DCAF8L2: variants seen among roughly 807,000 people sequenced by gnomAD.
DCAF8L2 encodes the protein DDB1- and CUL4-associated factor 8-like protein 2.
For synonymous variants in DCAF8L2, 200 were observed against 190.9 expected (o/e 1.05, Z -0.39); for missense variants, 430 against 490.7 (o/e 0.88, Z 1.17).
chrX:27,688,259 G>T (rs892920024), intron 3 of DCAF8L2, among the ~76,000 whole-genome samples: 8 of 111,408 alleles, frequency 7.2e-5, no homozygotes, highest in Admixed American at 1.9e-4. Context: ...TATTAGAATT[G>T]CAAAGGAACA....
the DCAF8L2 span, among the ~76,000 whole-genome samples, chrX:27,499,184 C>G: frequency 8.9e-6 from 1 of 112,108 alleles, no homozygotes; most frequent in African/African-American, 3.2e-5. Flanking sequence ...TTTACATTCC[C>G]ATAAACAGTG....
the DCAF8L2 span, among the ~76,000 whole-genome samples, chrX:27,537,702 A>G: frequency 1.9e-4 from 21 of 111,904 alleles, no homozygotes; most frequent in African/African-American, 6.8e-4. Flanking sequence ...ATGTATTTCC[A>G]CACATGCATC....
the DCAF8L2 span, among the ~76,000 whole-genome samples, chrX:27,546,731 G>A: frequency 8.9e-6 from 1 of 112,313 alleles, no homozygotes; most frequent in East Asian, 2.8e-4. Flanking sequence ...CTGTACCTTG[G>A]TCCCTTTTAG....
intron 1 of DCAF8L2, among the ~76,000 whole-genome samples, chrX:27,617,997 T>C (rs1408076201): frequency 1.8e-5 from 2 of 112,136 alleles, no homozygotes; most frequent in Non-Finnish European, 3.8e-5. Flanking sequence ...TCATATCATA[T>C]GGCTTTGAAA....
intron 4 of DCAF8L2, among the ~76,000 whole-genome samples, chrX:27,723,558 T>C (rs1931974016): frequency 9.0e-6 from 1 of 111,612 alleles, no homozygotes; most frequent in African/African-American, 3.2e-5. Context: ...TATTCCAAAT[T>C]TTTAACAAAG....
At position 27,749,582 on chromosome X, in the gene DCAF8L2, C is replaced by G. The variant is rs1922462328; in HGVS notation, c.*791C>G. Among the ~76,000 whole-genome samples, 1 of 111,986 alleles carries G rather than the reference C, an allele frequency of 8.9e-6. No homozygotes were observed. Among genetic ancestry groups the G allele is most frequent in the African/African-American group, 3.2e-5 (1 of 30,840 alleles). ...ATTTGATCACATGACATTGTTTACTCTGTGCATTAAGTTTTCTTGAAGTTT... is the reference window on the plus strand; with the variant it reads ...ATTTGATCACATGACATTGTTTACTGTGTGCATTAAGTTTTCTTGAAGTTT... On this transcript the variant is annotated 3_prime_UTR_variant, in exon 5 of 5. Coordinates refer to ENST00000451261, the MANE Select transcript of DCAF8L2 (RefSeq NM_001353450.2).
chrX:27,679,998 A>G (rs1930268831), intron 3 of DCAF8L2, among the ~76,000 whole-genome samples: 1 of 111,814 alleles, frequency 8.9e-6, no homozygotes, highest in Non-Finnish European at 1.9e-5. Context: ...GTGTAAATAT[A>G]TCCTTTATTT....
chrX:27,716,541 A>C (rs1446965918), intron 4 of DCAF8L2, among the ~76,000 whole-genome samples: 2 of 111,927 alleles, frequency 1.8e-5, no homozygotes, highest in Non-Finnish European at 3.8e-5. Context: ...TATTTATAAA[A>C]TCTTCACTTT....
At chrX:27,642,501 G>T (rs1167175117) in intron 2 of DCAF8L2, among the ~76,000 whole-genome samples, 3 of 110,581 alleles carry the variant, frequency 2.7e-5, no homozygotes, top group Admixed American at 9.7e-5. Context: ...TCACATGTAT[G>T]TTCTGATAAG....
the DCAF8L2 span, among the ~76,000 whole-genome samples, chrX:27,514,249 G>T: frequency 9.3e-6 from 1 of 107,918 alleles, no homozygotes; most frequent in Non-Finnish European, 1.9e-5. Context: ...GTACACATAT[G>T]TACATATATG....
the DCAF8L2 span, among the ~76,000 whole-genome samples, chrX:27,512,665 C>T: frequency 1.0e-5 from 1 of 95,393 alleles, no homozygotes; most frequent in Admixed American, 1.2e-4. Context: ...GCCTGGGCAA[C>T]AGAGTGAGAC....
intron 2 of DCAF8L2, among the ~76,000 whole-genome samples, chrX:27,646,632 T>C (rs954278015): frequency 4.5e-5 from 5 of 111,197 alleles, no homozygotes; most frequent in Non-Finnish European, 1.9e-5. Context: ...AACTTACAGA[T>C]AGGAGAAAAT....
At chrX:27,516,726 A>C in the DCAF8L2 span, among the ~76,000 whole-genome samples, 1 of 111,663 alleles carries the variant, frequency 9.0e-6, no homozygotes, top group African/African-American at 3.3e-5. Flanking sequence ...GAATTATAAA[A>C]CATATAGCTT....
chrX:27,611,261 A>G (rs1242221911), intron 1 of DCAF8L2, among the ~76,000 whole-genome samples: 1 of 111,092 alleles, frequency 9.0e-6, no homozygotes, highest in Non-Finnish European at 1.9e-5. Flanking sequence ...TCTGAGCTTT[A>G]GAATATACCT....
the DCAF8L2 span, among the ~76,000 whole-genome samples, chrX:27,583,629 G>C: frequency 1.8e-5 from 2 of 111,135 alleles, no homozygotes; most frequent in Non-Finnish European, 3.8e-5. Context: ...GGAGGTGAGC[G>C]GTAGGTGAGC....
the DCAF8L2 span, among the ~76,000 whole-genome samples, chrX:27,559,019 G>C: frequency 4.5e-5 from 5 of 110,762 alleles, no homozygotes; most frequent in African/African-American, 1.3e-4. Context: ...GGTATGAAGT[G>C]ATTAGATCAT....
At chrX:27,736,855 C>G (rs1291763633) in intron 4 of DCAF8L2, among the ~76,000 whole-genome samples, 2 of 110,735 alleles carry the variant, frequency 1.8e-5, no homozygotes, top group Admixed American at 1.9e-4. Context: ...TTTTTCCAGT[C>G]TCATTCTCTC....
Position 27,743,235 on chromosome X carries a change from A to G in DCAF8L2, c.-58-3603A>G, listed in dbSNP as rs771695349. Among the ~76,000 whole-genome samples, 14 of 108,802 alleles carry G rather than the reference A, an allele frequency of 1.3e-4. No homozygotes were observed. The East Asian group carries it at 2.6e-3, about 21-fold the overall frequency. 94.5% of individuals were successfully genotyped at this position (108,802 alleles called of 115,157 possible). ...CCGGGTAGCTGGGACTACAAGGCAC[A>G]TGCTATCACACCTGACTAATTCTTT... On this transcript the variant is annotated intron_variant, in intron 4 of 4. Transcript: ENST00000451261.
At chrX:27,563,339 T>A in the DCAF8L2 span, among the ~76,000 whole-genome samples, 1 of 112,182 alleles carries the variant, frequency 8.9e-6, no homozygotes, top group African/African-American at 3.2e-5. Context: ...TGATTTTTTG[T>A]CCTTTAATAA....
Sources: gnomAD v4.1 joint callset for allele counts (sites outside exome capture counted in the v4.1 genomes callset) on GRCh38, gnomAD v4.1.1 for gene constraint, MANE v1.5 for transcripts, NCBI Gene and HGNC (gene_info 2026-07-23, HGNC 2026-07-21) for gene names.